MACF1: variants seen among roughly 807,000 people sequenced by gnomAD.
The protein encoded by MACF1 is microtubule-actin cross-linking factor 1.
MACF1 carries 193 observed loss-of-function variants against 854.8 expected under a neutral mutation model. The ratio of observed to expected loss-of-function variants is 0.23; its 90% CI spans 0.20 to 0.25. The LOEUF is 0.25. Among genes scored for constraint, MACF1 ranks in the 10% least tolerant of loss-of-function variants. MACF1 has a pLI of 1.00. For missense variants in MACF1, 7,722 were observed against 8,929.1 expected (o/e 0.86, Z 5.45); for synonymous variants, 3,185 against 3,226.7 (o/e 0.99, Z 0.44).
At chr1:39,437,006 G>A (rs748557042) in intron 70 of MACF1, among the ~76,000 whole-genome samples, 12 of 152,160 alleles carry the variant, frequency 7.9e-5, no homozygotes, top group Non-Finnish European at 1.6e-4. Context: ...ACTACAAGTC[G>A]TGTAGCATAT....
At chr1:39,306,566 A>G (rs1375545813) in intron 23 of MACF1, among the ~76,000 whole-genome samples, 1 of 149,432 alleles carries the variant, frequency 6.7e-6, no homozygotes, top group African/African-American at 2.5e-5. Flanking sequence ...ACCACAGGCA[A>G]TTTTCATTTT....
chr1:39,265,453 G>A (rs1645220010), intron 6 of MACF1, among the ~76,000 whole-genome samples: 1 of 152,196 alleles, frequency 6.6e-6, no homozygotes, highest in South Asian at 2.1e-4. Flanking sequence ...CTTGGGGAAA[G>A]GTCTCGTAAT....
chr1:39,444,587 T>C, intron 79 of MACF1, 75 bp from the exon 80 acceptor site: 1 of 1,362,848 alleles, frequency 7.3e-7, no homozygotes, highest in Non-Finnish European at 1.0e-6. Context: ...TTTCCCAGAC[T>C]CTGCTACAGA....
chr1:39,263,716 ATT>A, intron 6 of MACF1, among the ~76,000 whole-genome samples: 1 of 141,684 alleles, frequency 7.1e-6, no homozygotes, highest in Admixed American at 6.9e-5. Context: ...ATGTCTTTAT[ATT>A]TGACACACAT....
chr1:39,219,347 C>A (rs1644620734), intron 1 of MACF1, among the ~76,000 whole-genome samples: 1 of 152,130 alleles, frequency 6.6e-6, no homozygotes, highest in Non-Finnish European at 1.5e-5. Context: ...CTGTATACTG[C>A]GTGACTTTGG....
intron 2 of MACF1, among the ~76,000 whole-genome samples, chr1:39,134,310 T>G (rs1242992625): frequency 6.6e-6 from 1 of 151,870 alleles, no homozygotes; most frequent in Non-Finnish European, 1.5e-5. Flanking sequence ...CCTCCCAAAG[T>G]GCTGGGATTA....
At chr1:39,330,216 C>T (rs560029374) in intron 36 of MACF1, among the ~76,000 whole-genome samples, 10 of 152,134 alleles carry the variant, frequency 6.6e-5, no homozygotes, top group Non-Finnish European at 1.5e-4. Context: ...CTGTTTCTTC[C>T]TTGACTTGCT....
rs1431346004 is a variant in MACF1 at position 39,331,368 on chromosome 1, T to C, written c.4780T>C (p.Ser1594Pro). Reference protein sequence around the residue: ...LIAPETGENLSLEEGIARNLI... With the variant: ...LIAPETGENLPLEEGIARNLI... ...TGCCCCTGAGACGGGTGAAAACCTC[T>C]CTTTGGAGGAGGGCATAGCCAGAAA... is the stretch of plus-strand genomic sequence containing the variant. Residue 1594 changes from serine to proline, a missense_variant, in exon 37 of 101, where the codon TCT (serine) becomes CCT (proline). This residue lies in a region of MACF1 where 1,531 missense variants were observed against 1,601.6 expected (regional missense o/e 0.96). Transcript: ENST00000564288. 6.2e-7 allele frequency: 1 copy of C among 1,613,924 alleles called. No individual in the cohort carries two copies. The highest frequency in any genetic ancestry group is 1.1e-5 in the South Asian group (1 of 91,066).
chr1:39,300,373 A>G lies in MACF1; in HGVS notation c.2634+11A>G, dbSNP rs1162524911. The G allele has an allele frequency of 4.3e-6, 7 of 1,612,580 alleles. No individual in the cohort carries two copies. Among genetic ancestry groups the G allele is most frequent in the Non-Finnish European group, 5.9e-6 (7 of 1,179,338 alleles). On this transcript the variant is annotated intron_variant, in intron 22 of 100. Transcript: ENST00000564288. The stretch of plus-strand genomic sequence containing the variant: ...TACAGGCAGATCGAGGTGAGGAGGT[A>G]GAAAGGGTACCTCTGGGCCACAGGG...
chr1:39,342,149 A>G (rs1422659327), intron 40 of MACF1, among the ~76,000 whole-genome samples: 1 of 150,284 alleles, frequency 6.7e-6, no homozygotes, highest in African/African-American at 2.5e-5. Context: ...AACATGCCAT[A>G]TTTGGCTTTC....
At chr1:39,187,850 C>CTCTCTCTCGCTCTCTG (rs1644193626) in intron 2 of MACF1, among the ~76,000 whole-genome samples, 1 of 106,422 alleles carries the variant, frequency 9.4e-6, no homozygotes, top group East Asian at 3.2e-4. Flanking sequence ...GGCTGTCTTT[C>CTCTCTCTCGCTCTCTG]TCTCTCTCTC....
intron 58 of MACF1, chr1:39,413,231 C>T (rs1643111525): frequency 6.2e-7 from 1 of 1,613,108 alleles, no homozygotes; most frequent in Non-Finnish European, 8.5e-7. Context: ...GAGCCTGATA[C>T]TGCAGCTGTC....
At chr1:39,446,884 T>G (rs1428358849) in intron 80 of MACF1, among the ~76,000 whole-genome samples, 1 of 152,254 alleles carries the variant, frequency 6.6e-6, no homozygotes, top group Middle Eastern at 3.2e-3. Context: ...TAGAATGTCT[T>G]GGCTTCTTTC....
intron 58 of MACF1, among the ~76,000 whole-genome samples, chr1:39,421,280 TGTTACACCTA>T (rs1643527801): frequency 6.6e-6 from 1 of 152,236 alleles, no homozygotes; most frequent in Non-Finnish European, 1.5e-5. Flanking sequence ...ACACGTTGCT[TGTTACACCTA>T]TTCACATTGT....
chr1:39,111,887 T>G (rs1642416101), intron 2 of MACF1, among the ~76,000 whole-genome samples: 2 of 152,144 alleles, frequency 1.3e-5, no homozygotes, highest in African/African-American at 4.8e-5. Context: ...AATTAATCTC[T>G]GATTCTTTGT....
chr1:39,123,445 T>A (rs1488217832), intron 2 of MACF1, among the ~76,000 whole-genome samples: 2 of 151,924 alleles, frequency 1.3e-5, no homozygotes, highest in Non-Finnish European at 2.9e-5. Flanking sequence ...TGACCTCAGA[T>A]GATCCACCCG....
Position 39,335,168 on chromosome 1 carries a change from T to A in MACF1, c.8580T>A (p.Asp2860Glu). 1 of 1,614,024 alleles carries A rather than the reference T, an allele frequency of 6.2e-7. No homozygotes were observed. Among genetic ancestry groups the A allele is most frequent in the Non-Finnish European group, 8.5e-7 (1 of 1,179,978 alleles). The change falls in exon 37 of 101, where the codon GAT becomes GAA. Residue 2860 changes from aspartate (D) to glutamate (E), a missense_variant. This residue lies in a region of MACF1 where 854 missense variants were observed against 852.6 expected (regional missense o/e 1.00). Transcript: ENST00000564288. Reference protein sequence around the residue: ...KDQRKPRMSSDAKEFISIINP... With the variant: ...KDQRKPRMSSEAKEFISIINP... ...AACGTAAGCCAAGAATGTCTTCAGA[T>A]GCTAAAGAATTTATCAGTATCATAA...
At chr1:39,362,139 ACAGCTAC>A (rs1648241277) in intron 49 of MACF1, among the ~76,000 whole-genome samples, 1 of 152,258 alleles carries the variant, frequency 6.6e-6, no homozygotes, top group Non-Finnish European at 1.5e-5. Context: ...AAAAGTATTA[ACAGCTAC>A]CACAGATATA....
chr1:39,234,409 G>A (rs867048023), intron 2 of MACF1, among the ~76,000 whole-genome samples: 1 of 144,428 alleles, frequency 6.9e-6, no homozygotes, highest in African/African-American at 2.6e-5. Context: ...GCGGCTGGCC[G>A]GGCAGGGGGC....
Sources: allele counts gnomAD v4.1 joint callset (sites outside exome capture counted in the v4.1 genomes callset), GRCh38; gene constraint gnomAD v4.1.1; regional missense constraint gnomAD v4.1.1; transcripts MANE v1.5; gene names NCBI Gene and HGNC (gene_info 2026-07-23, HGNC 2026-07-21).